The following KIF26B variants were observed in gnomAD, a reference collection of about 807,000 sequenced individuals.
The protein encoded by KIF26B is kinesin family member 26B.
KIF26B carries 63 observed loss-of-function variants against 151.2 expected under a neutral mutation model. The observed-to-expected ratio is 0.42, with a 90% CI of 0.34 to 0.51. The LOEUF (loss-of-function observed/expected upper bound fraction) is 0.51, where lower values mean the gene tolerates loss of function less well. Ranked by LOEUF, KIF26B falls within the 20% of genes least tolerant of loss-of-function variation. The pLI, the probability that KIF26B is intolerant of heterozygous loss-of-function variation, is 0.07. For synonymous variants in KIF26B, 1,357 were observed against 1,262.1 expected (o/e 1.08, Z -1.59); for missense variants, 2,813 against 2,913.6 (o/e 0.97, Z 0.79).
intron 2 of KIF26B, among the ~76,000 whole-genome samples, chr1:245,335,175 G>A (rs908132796): frequency 6.6e-6 from 1 of 152,164 alleles, no homozygotes; most frequent in African/African-American, 2.4e-5. Context: ...TGGCACTTCT[G>A]TGCTAAAAAT....
At chr1:245,614,550 G>A (rs969159792) in intron 9 of KIF26B, among the ~76,000 whole-genome samples, 2 of 152,210 alleles carry the variant, frequency 1.3e-5, no homozygotes, top group Non-Finnish European at 2.9e-5. Flanking sequence ...TCCACAGCTG[G>A]GGCTGGAGTT....
intron 3 of KIF26B, among the ~76,000 whole-genome samples, chr1:245,377,346 C>T (rs1019703317): frequency 6.6e-6 from 1 of 152,188 alleles, no homozygotes; most frequent in Non-Finnish European, 1.5e-5. Flanking sequence ...TCTGTTGGCT[C>T]CAGGTATTCC....
intron 9 of KIF26B, chr1:245,614,810 T>C (rs2103157032): frequency 6.6e-6 from 1 of 152,358 alleles, no homozygotes; most frequent in South Asian, 2.1e-4. Context: ...GCTCACACCA[T>C]GTAGAGCGCT....
At chr1:245,535,871 C>T (rs1381721950) in intron 4 of KIF26B, among the ~76,000 whole-genome samples, 2 of 152,106 alleles carry the variant, frequency 1.3e-5, no homozygotes, top group Non-Finnish European at 2.9e-5. Flanking sequence ...TTTACATGTA[C>T]TGTCATTAAA....
intron 4 of KIF26B, among the ~76,000 whole-genome samples, chr1:245,463,113 C>T (rs990961869): frequency 1.3e-5 from 2 of 152,190 alleles, no homozygotes; most frequent in East Asian, 1.9e-4. Context: ...CCTGCTTCTT[C>T]GACCGGCCTG....
At chr1:245,402,059 G>T (rs1386267921) in intron 3 of KIF26B, among the ~76,000 whole-genome samples, 9 of 152,150 alleles carry the variant, frequency 5.9e-5, no homozygotes, top group Admixed American at 5.9e-4. Context: ...GCTCCCCTAG[G>T]CCTCATGGGA....
At chr1:245,263,452 C>T (rs751514493) in intron 2 of KIF26B, among the ~76,000 whole-genome samples, 7 of 152,190 alleles carry the variant, frequency 4.6e-5, no homozygotes, top group East Asian at 1.9e-4. Context: ...TGCATTGACA[C>T]GCTCTAGTGA....
At chr1:245,536,599 G>A (rs1320609169) in intron 4 of KIF26B, among the ~76,000 whole-genome samples, 1 of 152,182 alleles carries the variant, frequency 6.6e-6, no homozygotes, top group Non-Finnish European at 1.5e-5. Flanking sequence ...AAACTTAGTG[G>A]CTAAAAGCAG....
intron 4 of KIF26B, among the ~76,000 whole-genome samples, chr1:245,439,993 G>A (rs56383701): frequency 0.1 from 15,749 of 152,192 alleles, 825 homozygotes; most frequent in South Asian, 0.17. Context: ...AGGCCGAGGC[G>A]GGCAGATCAC....
intron 2 of KIF26B, among the ~76,000 whole-genome samples, chr1:245,302,307 T>G (rs1369093525): frequency 6.6e-6 from 1 of 152,262 alleles, no homozygotes; most frequent in Admixed American, 6.5e-5. Flanking sequence ...TGTCAGCCTT[T>G]GCTGGCCTCA....
intron 2 of KIF26B, among the ~76,000 whole-genome samples, chr1:245,260,709 G>T (rs1220485528): frequency 6.6e-6 from 1 of 152,144 alleles, no homozygotes; most frequent in African/African-American, 2.4e-5. Flanking sequence ...ATGTCATGCT[G>T]GCATCTGTGT....
chr1:245,174,912 A>G (rs547384800), intron 2 of KIF26B, among the ~76,000 whole-genome samples: 2 of 152,288 alleles, frequency 1.3e-5, no homozygotes, highest in Admixed American at 1.3e-4. Flanking sequence ...AGGAATGGGA[A>G]TTATCATAAT....
intron 5 of KIF26B, among the ~76,000 whole-genome samples, chr1:245,592,153 G>A (rs896069470): frequency 2.0e-5 from 3 of 152,124 alleles, no homozygotes; most frequent in African/African-American, 2.4e-5. Flanking sequence ...CACCTTTCCC[G>A]GCCCGGTTTT....
chr1:245,486,272 C>T (rs983832203), intron 4 of KIF26B, among the ~76,000 whole-genome samples: 1 of 152,164 alleles, frequency 6.6e-6, no homozygotes, highest in African/African-American at 2.4e-5. Flanking sequence ...GCTTCTGCCT[C>T]TTTTTACGAG....
chr1:245,563,455 T>C lies in KIF26B; in HGVS notation c.1350+22505T>C, dbSNP rs2042975291. 6.6e-6 allele frequency among the ~76,000 whole-genome samples: 1 copy of C among 152,202 alleles called. No individual in the cohort carries two copies. The highest frequency in any genetic ancestry group is 6.5e-5 in the Admixed American group (1 of 15,282). ...CCGAATCATTAAGAACTCCTGCCCA[T>C]TGGATGATGTTGCTGTATCTCCAAT... is the stretch of plus-strand genomic sequence containing the variant. On this transcript the variant is annotated intron_variant, in intron 5 of 14. Transcript: ENST00000407071. This position sits in a 1 kb window ranked among gnomAD's most constrained non-coding sequence, Gnocchi z 4.6.
At chr1:245,523,512 T>A (rs1278393371) in intron 4 of KIF26B, among the ~76,000 whole-genome samples, 1 of 152,196 alleles carries the variant, frequency 6.6e-6, no homozygotes, top group Non-Finnish European at 1.5e-5. Flanking sequence ...GAAGTTTATT[T>A]TGTACAGTTC....
At chr1:245,595,283 G>A (rs920402423) in intron 5 of KIF26B, among the ~76,000 whole-genome samples, 6 of 152,314 alleles carry the variant, frequency 3.9e-5, no homozygotes, top group African/African-American at 1.4e-4. Context: ...TATTCAGTAT[G>A]ATATTGGCTG....
chr1:245,530,845 G>T lies in KIF26B; in HGVS notation c.1167-9922G>T, dbSNP rs185984141. On this transcript the variant is annotated intron_variant, in intron 4 of 14. Transcript: ENST00000407071. ...GCAGCTGCTGGGTGAACCAAAGATGGCTTTAGTGATATTTATAGCTTATTG... is the reference window on the plus strand; with the variant it reads ...GCAGCTGCTGGGTGAACCAAAGATGTCTTTAGTGATATTTATAGCTTATTG... Among the ~76,000 whole-genome samples, 8 of 152,314 alleles carry T rather than the reference G, an allele frequency of 5.3e-5. No individual in the cohort carries two copies. The East Asian group carries it at 1.5e-3, about 29-fold the overall frequency.
chr1:245,609,238 G>A, intron 7 of KIF26B, 28 bp from the exon 8 acceptor site: 2 of 1,570,926 alleles, frequency 1.3e-6, no homozygotes, highest in Non-Finnish European at 1.7e-6. Context: ...CACTGAACCT[G>A]CTTTTCTTCC....
Sources: allele counts gnomAD v4.1 joint callset (sites outside exome capture counted in the v4.1 genomes callset), GRCh38; gene constraint gnomAD v4.1.1; non-coding constraint Gnocchi (gnomAD v3.1); transcripts MANE v1.5; gene names NCBI Gene and HGNC (gene_info 2026-07-23, HGNC 2026-07-21).